Variants in APBB1IP observed in about 807,000 individuals in gnomAD.
APBB1IP encodes amyloid beta A4 precursor protein-binding family B member 1-interacting protein.
A neutral mutation model predicts 64.9 loss-of-function variants in APBB1IP; 27 were observed. The observed-to-expected ratio is 0.42, with a 90% confidence interval of 0.31 to 0.57. APBB1IP has a LOEUF of 0.57. Among genes scored for constraint, APBB1IP ranks in the 20% least tolerant of loss-of-function variants. The pLI is 0.20. For synonymous variants in APBB1IP, 392 were observed against 331.0 expected (o/e 1.18, Z -2.00); for missense variants, 812 against 845.5 (o/e 0.96, Z 0.49).
rs1835422508 is a variant in APBB1IP at position 26,448,161 on chromosome 10, G to T, written c.-1+9308G>T. On this transcript the variant is annotated intron_variant, in intron 2 of 14. Transcript: ENST00000376236. ...ATTTTAAAAATAATATATTAATTTT[G>T]ATATAATTGAAATTATGTTACATTT... Among the ~76,000 whole-genome samples the T allele has an allele frequency of 3.0e-5, 4 of 134,094 alleles. No individual in the cohort carries two copies. In the South Asian group the frequency reaches 9.6e-4, roughly 32 times the overall value. The allele number at this position is 134,094 out of a possible 152,430, so 88.0% of individuals were successfully genotyped here.
At chr10:26,452,401 C>T (rs776156243) in intron 2 of APBB1IP, among the ~76,000 whole-genome samples, 14 of 152,182 alleles carry the variant, frequency 9.2e-5, no homozygotes, top group African/African-American at 3.4e-4. Flanking sequence ...ATGTGAAAGA[C>T]GGGCATGCAC....
At chr10:26,445,572 A>G (rs1437573625) in intron 2 of APBB1IP, among the ~76,000 whole-genome samples, 2 of 152,204 alleles carry the variant, frequency 1.3e-5, no homozygotes, top group Non-Finnish European at 2.9e-5. Flanking sequence ...TTCTTAACCC[A>G]TGATGTAGAC....
At chr10:26,554,775 G>T (rs1022967701) in intron 11 of APBB1IP, among the ~76,000 whole-genome samples, 3 of 152,038 alleles carry the variant, frequency 2.0e-5, no homozygotes, top group Non-Finnish European at 4.4e-5. Flanking sequence ...CAGAGATGGG[G>T]TTTAGCTATG....
chr10:26,509,936 C>T (rs1351864985), intron 6 of APBB1IP, among the ~76,000 whole-genome samples: 1 of 152,124 alleles, frequency 6.6e-6, no homozygotes. Flanking sequence ...AAATCACGGT[C>T]TCTCTAACGA....
At chr10:26,493,027 C>T (rs1218044588) in intron 3 of APBB1IP, among the ~76,000 whole-genome samples, 1 of 151,838 alleles carries the variant, frequency 6.6e-6, no homozygotes, top group Non-Finnish European at 1.5e-5. Flanking sequence ...ATTTTAGAGG[C>T]CCCCCCGGGA....
At chr10:26,490,267 A>G (rs1434494409) in intron 2 of APBB1IP, among the ~76,000 whole-genome samples, 5 of 152,334 alleles carry the variant, frequency 3.3e-5, no homozygotes, top group Non-Finnish European at 7.3e-5. Flanking sequence ...GGCCTATTTC[A>G]GCCCAGTAAT....
At chr10:26,469,732 C>T (rs147771143) in intron 2 of APBB1IP, among the ~76,000 whole-genome samples, 1 of 152,144 alleles carries the variant, frequency 6.6e-6, no homozygotes, top group East Asian at 1.9e-4. Flanking sequence ...ACATTAAACC[C>T]AACAGTCAGG....
At chr10:26,548,068 T>C (rs1482622821) in intron 11 of APBB1IP, among the ~76,000 whole-genome samples, 4 of 152,214 alleles carry the variant, frequency 2.6e-5, no homozygotes, top group Non-Finnish European at 2.9e-5. Flanking sequence ...TGAAATCAGT[T>C]TGTGACTCCT....
intron 11 of APBB1IP, among the ~76,000 whole-genome samples, chr10:26,542,347 G>T (rs544535333): frequency 3.2e-4 from 48 of 152,196 alleles, no homozygotes; most frequent in African/African-American, 1.1e-3. Context: ...GTTAAGATAG[G>T]GCTTTACCAT....
chr10:26,541,553 G>A, intron 10 of APBB1IP, 29 bp from the exon 11 acceptor site: 1 of 1,481,208 alleles, frequency 6.8e-7, no homozygotes. Flanking sequence ...CATCTCAGTT[G>A]AAGTTTTATT....
chr10:26,451,702 TAAGTTTTCTCAATTATAAA>T (rs1187057462), intron 2 of APBB1IP, among the ~76,000 whole-genome samples: 1 of 152,250 alleles, frequency 6.6e-6, no homozygotes, highest in East Asian at 1.9e-4. Flanking sequence ...TCCCTGCCTC[TAAGTTTTCTCAATTATAAA>T]ATGAAATGCT....
chr10:26,472,585 A>ATTCT (rs1163010367), intron 2 of APBB1IP, among the ~76,000 whole-genome samples: 1 of 150,378 alleles, frequency 6.6e-6, no homozygotes, highest in Non-Finnish European at 1.5e-5. Context: ...TCATTCATTC[A>ATTCT]TTCATTCATT....
intron 6 of APBB1IP, among the ~76,000 whole-genome samples, chr10:26,504,522 C>T (rs945439044): frequency 2.0e-5 from 3 of 152,134 alleles, no homozygotes; most frequent in Admixed American, 2.0e-4. Flanking sequence ...CCAGCCTGGC[C>T]AACATGGTGA....
intron 2 of APBB1IP, among the ~76,000 whole-genome samples, chr10:26,460,198 A>G (rs1352034225): frequency 6.6e-6 from 1 of 152,178 alleles, no homozygotes; most frequent in Admixed American, 6.5e-5. Context: ...CAAATAAAAC[A>G]CCCTTCTTAG....
intron 11 of APBB1IP, among the ~76,000 whole-genome samples, chr10:26,549,477 A>C (rs11597181): frequency 0.22 from 33,647 of 151,986 alleles, 4,358 homozygotes; most frequent in Non-Finnish European, 0.28. Flanking sequence ...TTTTTATTAC[A>C]GCTTCAATTT....
At chr10:26,511,327 G>C (rs999622727) in intron 6 of APBB1IP, among the ~76,000 whole-genome samples, 2 of 152,170 alleles carry the variant, frequency 1.3e-5, no homozygotes, top group African/African-American at 4.8e-5. Flanking sequence ...CTGGGCGACA[G>C]AGCAAGAATC....
intron 11 of APBB1IP, among the ~76,000 whole-genome samples, chr10:26,542,680 T>C (rs1434171118): frequency 6.6e-6 from 1 of 152,166 alleles, no homozygotes; most frequent in African/African-American, 2.4e-5. Flanking sequence ...AATCACTTAT[T>C]ATAATCATCA....
chr10:26,527,761 C>T (rs960191524), intron 8 of APBB1IP, among the ~76,000 whole-genome samples: 2 of 142,344 alleles, frequency 1.4e-5, no homozygotes, highest in African/African-American at 5.3e-5. Flanking sequence ...GGCACGATCT[C>T]GGCTCACTGC....
intron 9 of APBB1IP, among the ~76,000 whole-genome samples, chr10:26,534,149 A>G (rs766878273): frequency 5.9e-5 from 9 of 152,070 alleles, no homozygotes; most frequent in Non-Finnish European, 1.2e-4. Flanking sequence ...GAGTTTTCAC[A>G]TAGTATCTAT....
Sources: gnomAD v4.1 joint callset for allele counts (sites outside exome capture counted in the v4.1 genomes callset) on GRCh38, gnomAD v4.1.1 for gene constraint, MANE v1.5 for transcripts, NCBI Gene and HGNC (gene_info 2026-07-23, HGNC 2026-07-21) for gene names.